Variants in RORA observed in about 807,000 individuals in gnomAD.
RORA encodes nuclear receptor ROR-alpha.
In RORA, 7 loss-of-function variants were observed where a neutral mutation model predicts 69.5. The observed-to-expected ratio is 0.10, with a 90% CI of 0.06 to 0.19. The LOEUF (loss-of-function observed/expected upper bound fraction) is 0.19, where lower values mean the gene tolerates loss of function less well. Ranked by LOEUF, RORA falls within the 10% of genes least tolerant of loss-of-function variation. The pLI, the probability that RORA is intolerant of heterozygous loss-of-function variation, is 1.00. For synonymous variants in RORA, 261 were observed against 240.8 expected, an observed-to-expected ratio of 1.08 and a Z score of -0.78; for missense variants, 457 against 663.0, an observed-to-expected ratio of 0.69 and a Z score of 3.41.
rs2078287965 is a variant in RORA at position 61,067,944 on chromosome 15, G to C, written c.166+161109C>G. ...CTTGAGGAGTATTGGTCTAGCTGTA[G>C]ATGATATTATGAATGGCCAGAGGGT... is the stretch of plus-strand genomic sequence containing the variant. On this transcript the variant is annotated intron_variant, in intron 1 of 10. Transcript: ENST00000335670. Among the ~76,000 whole-genome samples the C allele has an allele frequency of 3.9e-5, 6 of 152,354 alleles. No individual in the cohort carries two copies. The South Asian group carries it at 1.2e-3, about 32-fold the overall frequency.
chr15:60,574,847 G>A (rs2067981064), intron 2 of RORA, among the ~76,000 whole-genome samples: 1 of 152,080 alleles, frequency 6.6e-6, no homozygotes, highest in South Asian at 2.1e-4. Flanking sequence ...CTTATATTTG[G>A]AAAAATTTCC....
intron 1 of RORA, among the ~76,000 whole-genome samples, chr15:60,827,905 G>A (rs565613875): frequency 5.3e-5 from 8 of 152,316 alleles, no homozygotes; most frequent in African/African-American, 1.9e-4. Flanking sequence ...TAGACAGCCA[G>A]GTATAACCGC....
chr15:61,055,411 T>C (rs2078081806), intron 1 of RORA, among the ~76,000 whole-genome samples: 1 of 152,152 alleles, frequency 6.6e-6, no homozygotes, highest in Non-Finnish European at 1.5e-5. Flanking sequence ...TTTTGGCTAA[T>C]GTTTACAGAG....
At chr15:60,760,851 GACAC>G (rs150514615) in intron 1 of RORA, among the ~76,000 whole-genome samples, 5 of 149,862 alleles carry the variant, frequency 3.3e-5, no homozygotes, top group Non-Finnish European at 6.0e-5. Flanking sequence ...CATGCAGACA[GACAC>G]ACACACACAC....
At chr15:61,205,144 A>G (rs988861375) in intron 1 of RORA, among the ~76,000 whole-genome samples, 2 of 152,164 alleles carry the variant, frequency 1.3e-5, no homozygotes, top group Non-Finnish European at 2.9e-5. Flanking sequence ...AGAAGAGTCC[A>G]TGGTAATAAT....
rs199565255 is a variant in RORA, at chr15:61,008,726, G to GA, written c.166+220326dup. On this transcript the variant is annotated intron_variant, in intron 1 of 10. Coordinates refer to ENST00000335670, the MANE Select transcript of RORA (RefSeq NM_134261.3). ...TAATGCCTTTTACTTGATTCCATTAGAAAAAAAAATCCACAACTGAGTACA... is the reference window on the plus strand; with the variant it reads ...TAATGCCTTTTACTTGATTCCATTAGAAAAAAAAAATCCACAACTGAGTACA... Among the ~76,000 whole-genome samples, 433 of 150,918 alleles carry GA rather than the reference G, an allele frequency of 2.9e-3. 5 individuals are homozygous for GA. The highest frequency in any genetic ancestry group is 9.7e-3 in the African/African-American group (401 of 41,158).
At chr15:60,542,421 CCA>C (rs1209946534) in intron 2 of RORA, among the ~76,000 whole-genome samples, 3 of 148,452 alleles carry the variant, frequency 2.0e-5, no homozygotes, top group African/African-American at 7.9e-5. Flanking sequence ...CTCACACACA[CCA>C]CAGATGCACA....
At chr15:60,844,357 A>T (rs1017647992) in intron 1 of RORA, among the ~76,000 whole-genome samples, 27 of 152,226 alleles carry the variant, frequency 1.8e-4, no homozygotes, top group African/African-American at 6.0e-4. Flanking sequence ...CATCTACTTA[A>T]GGAAAACTTT....
intron 1 of RORA, among the ~76,000 whole-genome samples, chr15:60,985,845 G>A (rs1454655171): frequency 6.6e-6 from 1 of 152,156 alleles, no homozygotes; most frequent in African/African-American, 2.4e-5. Context: ...CTCCCAAAAT[G>A]CTGGGATTAC....
chr15:60,883,945 T>C (rs760782906), intron 1 of RORA, among the ~76,000 whole-genome samples: 1 of 152,198 alleles, frequency 6.6e-6, no homozygotes, highest in Non-Finnish European at 1.5e-5. Flanking sequence ...GTCAAACTGG[T>C]TTTCTCTTCC....
At chr15:60,655,253 CT>C (rs1199775022) in intron 2 of RORA, among the ~76,000 whole-genome samples, 4 of 152,130 alleles carry the variant, frequency 2.6e-5, no homozygotes, top group Non-Finnish European at 4.4e-5. Context: ...AAAATTCTCT[CT>C]TTCTTAGGAT....
chr15:60,641,255 G>C (rs1199151514), intron 2 of RORA, among the ~76,000 whole-genome samples: 1 of 151,268 alleles, frequency 6.6e-6, no homozygotes, highest in African/African-American at 2.4e-5. Context: ...CCTGGTGTGG[G>C]ACTATGCTTT....
chr15:60,906,299 T>C (rs888090718), intron 1 of RORA, among the ~76,000 whole-genome samples: 3 of 152,204 alleles, frequency 2.0e-5, no homozygotes. Context: ...CCAACAGAAT[T>C]TTCCCCTAGA....
intron 1 of RORA, among the ~76,000 whole-genome samples, chr15:61,171,500 T>G (rs2079584765): frequency 6.6e-6 from 1 of 152,174 alleles, no homozygotes. Flanking sequence ...ACCACCCCTC[T>G]GCAGGGATCC....
At chr15:60,893,316 C>T (rs1209877608) in intron 1 of RORA, among the ~76,000 whole-genome samples, 3 of 152,202 alleles carry the variant, frequency 2.0e-5, no homozygotes, top group African/African-American at 7.2e-5. Context: ...TTTAGCAGCT[C>T]AGTTTCTTCA....
At chr15:60,767,750 C>T (rs984019377) in intron 1 of RORA, among the ~76,000 whole-genome samples, 7 of 152,160 alleles carry the variant, frequency 4.6e-5, no homozygotes, top group Non-Finnish European at 7.4e-5. Flanking sequence ...CTGCAAACTC[C>T]CTTCTTGCTT....
chr15:61,071,664 T>G (rs1207716433), intron 1 of RORA, among the ~76,000 whole-genome samples: 164 of 3,260 alleles, frequency 0.05, no homozygotes, highest in Non-Finnish European at 0.056. Flanking sequence ...TGGGGAGGGG[T>G]GGGGAGGGGA....
chr15:60,792,869 G>T (rs886951798), intron 1 of RORA, among the ~76,000 whole-genome samples: 2 of 152,132 alleles, frequency 1.3e-5, no homozygotes, highest in African/African-American at 2.4e-5. Context: ...AAAGATGTAA[G>T]AAGTTATTAA....
intron 2 of RORA, among the ~76,000 whole-genome samples, chr15:60,532,325 A>C (rs889970585): frequency 0.029 from 2 of 70 alleles, no homozygotes; most frequent in Admixed American, 0.33. Flanking sequence ...TTAATCAGTT[A>C]CATATGATAA....
Sources: allele counts gnomAD v4.1 joint callset (sites outside exome capture counted in the v4.1 genomes callset), GRCh38; gene constraint gnomAD v4.1.1; transcripts MANE v1.5; gene names NCBI Gene and HGNC (gene_info 2026-07-23, HGNC 2026-07-21).